The following SOX5 variants were observed in gnomAD, a reference collection of about 807,000 sequenced individuals.
The protein encoded by SOX5 is SRY-box transcription factor 5, also known as transcription factor SOX-5.
SOX5 carries 9 observed loss-of-function variants against 92.0 expected under a neutral mutation model. That is an observed-to-expected ratio of 0.10 (90% CI 0.06 to 0.17). SOX5 has a LOEUF of 0.17. SOX5 is among the 10% of genes least tolerant of loss of function. SOX5 has a pLI of 1.00. For synonymous variants in SOX5, 344 were observed against 336.3 expected (o/e 1.02, Z -0.25); for missense variants, 642 against 944.5 (o/e 0.68, Z 4.20).
At chr12:23,908,733 G>A (rs1015814155) in intron 1 of SOX5, among the ~76,000 whole-genome samples, 6 of 151,946 alleles carry the variant, frequency 3.9e-5, no homozygotes, top group African/African-American at 1.5e-4. Flanking sequence ...CAAAGACGAT[G>A]AGCATCTATC....
At chr12:23,933,866 C>A (rs887993272) in intron 1 of SOX5, among the ~76,000 whole-genome samples, 1 of 151,532 alleles carries the variant, frequency 6.6e-6, no homozygotes, top group Non-Finnish European at 1.5e-5. Flanking sequence ...CAGTCAAGAA[C>A]TGATTGTTCC....
intron 4 of SOX5, among the ~76,000 whole-genome samples, chr12:24,021,199 G>GT (rs1349748802): frequency 3.9e-5 from 6 of 152,168 alleles, no homozygotes; most frequent in Non-Finnish European, 8.8e-5. Context: ...ATTTCAGAAG[G>GT]TATCAGAAGG....
At chr12:23,734,556 G>C in intron 6 of SOX5, 128 bp downstream of exon 6, 3 of 661,204 alleles carry the variant, frequency 4.5e-6, no homozygotes, top group Admixed American at 2.7e-5. Context: ...TGGCAGAGGA[G>C]GTGCTATGTC....
intron 4 of SOX5, among the ~76,000 whole-genome samples, chr12:24,175,935 C>T (rs1320024724): frequency 6.6e-6 from 1 of 152,030 alleles, no homozygotes; most frequent in African/African-American, 2.4e-5. Flanking sequence ...GCAATGACTC[C>T]TCTATCATGA....
At chr12:24,407,534 G>A (rs1206264314) in intron 1 of SOX5, 1 of 152,088 alleles carries the variant, frequency 6.6e-6, no homozygotes, top group Non-Finnish European at 1.5e-5. Context: ...TCCTCCTGAA[G>A]TATGGCTCTA....
chr12:24,370,406 G>C (rs1956605964), intron 1 of SOX5, among the ~76,000 whole-genome samples: 1 of 144,626 alleles, frequency 6.9e-6, no homozygotes, highest in South Asian at 2.1e-4. Flanking sequence ...GAACCCAGGG[G>C]GCGGAGCTTG....
chr12:24,360,216 C>G (rs775964806), intron 2 of SOX5, among the ~76,000 whole-genome samples: 3 of 152,192 alleles, frequency 2.0e-5, no homozygotes, highest in Non-Finnish European at 4.4e-5. Context: ...TAGCTACACA[C>G]AGGATGTCAC....
chr12:23,766,357 A>T (rs2094726198), intron 3 of SOX5, among the ~76,000 whole-genome samples: 1 of 152,164 alleles, frequency 6.6e-6, no homozygotes, highest in African/African-American at 2.4e-5. Context: ...TTTTCCAGCC[A>T]TGAAGGATAT....
At chr12:23,953,193 T>C (rs1945879840), upstream of SOX5, among the ~76,000 whole-genome samples, 1 of 152,102 alleles carries the variant, frequency 6.6e-6, no homozygotes. Flanking sequence ...GGAAAGACTG[T>C]TCCAAAATGT....
chr12:24,495,329 A>G (rs1025876051), intron 1 of SOX5, among the ~76,000 whole-genome samples: 2 of 152,236 alleles, frequency 1.3e-5, no homozygotes, highest in African/African-American at 4.8e-5. Context: ...AGTATGAAGT[A>G]GGTTCAGAAT....
chr12:24,406,703 T>G (rs1051029322), intron 1 of SOX5, among the ~76,000 whole-genome samples: 4 of 152,190 alleles, frequency 2.6e-5, no homozygotes, highest in African/African-American at 9.7e-5. Context: ...GTAGATTATT[T>G]CTGTAACTTA....
At chr12:24,034,390 G>A (rs1025761791) in intron 4 of SOX5, among the ~76,000 whole-genome samples, 20 of 151,790 alleles carry the variant, frequency 1.3e-4, no homozygotes, top group African/African-American at 4.6e-4. Flanking sequence ...ACCATGTGTG[G>A]TAGTGCTAAT....
intron 4 of SOX5, among the ~76,000 whole-genome samples, chr12:24,195,174 T>A (rs902401160): frequency 6.6e-6 from 1 of 150,686 alleles, no homozygotes; most frequent in Non-Finnish European, 1.5e-5. Flanking sequence ...ATTTCTAGGA[T>A]CAGATCATGA....
rs915190598 is a variant in SOX5, at chr12:23,530,619, T to A, written c.*3600A>T. ...ATGTGCTGAAGAATAGTTTTATATT[T>A]TATCCAATTGTGGTAAGTTAATCAC... On this transcript the variant is annotated 3_prime_UTR_variant, in exon 15 of 15. Transcript: ENST00000451604. The A allele has an allele frequency of 2.0e-5, 3 of 152,190 alleles. No individual in the cohort carries two copies. The highest frequency in any genetic ancestry group is 7.2e-5 in the African/African-American group (3 of 41,448). The allele number at this position is 152,190 out of a possible 1,614,324, so 9.4% of individuals were successfully genotyped here. A position where few individuals can be genotyped will look rare whatever the true frequency, so the allele number is the denominator to read the frequency against.
chr12:24,126,645 A>T lies in SOX5; in HGVS notation c.-2+86698T>A, dbSNP rs115047593. Among the ~76,000 whole-genome samples, 585 of 152,326 alleles carry T rather than the reference A, an allele frequency of 3.8e-3. 3 individuals are homozygous for T. The highest frequency in any genetic ancestry group is 0.013 in the African/African-American group (545 of 41,576). On this transcript the variant is annotated intron_variant, in intron 4 of 4. Coordinates refer to the SOX5 transcript ENST00000446891. ...CCACAGAAACATTGTCTCATAATGTAAACCCGACAATTGCATTCCCTAGCT... is the reference window on the plus strand; with the variant it reads ...CCACAGAAACATTGTCTCATAATGTTAACCCGACAATTGCATTCCCTAGCT...
chr12:24,418,263 T>A (rs778084738), intron 1 of SOX5, among the ~76,000 whole-genome samples: 1 of 152,226 alleles, frequency 6.6e-6, no homozygotes. Context: ...GTAAGAGCTA[T>A]GCAGTTTGAG....
chr12:24,090,248 C>G (rs1375608029), intron 4 of SOX5, among the ~76,000 whole-genome samples: 3 of 152,040 alleles, frequency 2.0e-5, no homozygotes, highest in Non-Finnish European at 4.4e-5. Flanking sequence ...TACAAGTGCC[C>G]TTTCCAAATC....
At chr12:23,918,512 T>C (rs2138710334) in intron 1 of SOX5, among the ~76,000 whole-genome samples, 2 of 152,314 alleles carry the variant, frequency 1.3e-5, no homozygotes, top group Middle Eastern at 6.8e-3. Context: ...GTAATGAATA[T>C]GGTTCTTTAT....
chr12:23,697,686 G>A lies in SOX5; in HGVS notation c.811-32122C>T, dbSNP rs983659115. The stretch of plus-strand genomic sequence containing the variant: ...ATGCCTCAGCCTCACGAGCAGCTGG[G>A]ATTACCAGCATTCGGCACCATGTTT... On this transcript the variant is annotated intron_variant, in intron 6 of 14. Transcript: ENST00000451604. Among the ~76,000 whole-genome samples, 7 of 152,092 alleles carry A rather than the reference G, an allele frequency of 4.6e-5. 1 individual carries two copies. The highest frequency in any genetic ancestry group is 1.7e-4 in the African/African-American group (7 of 41,424).
Sources: allele counts gnomAD v4.1 joint callset (sites outside exome capture counted in the v4.1 genomes callset), GRCh38; gene constraint gnomAD v4.1.1; transcripts MANE v1.5; gene names NCBI Gene and HGNC (gene_info 2026-07-23, HGNC 2026-07-21).